The following FBXO11 variants were observed in gnomAD, a reference collection of about 807,000 sequenced individuals.
FBXO11 encodes F-box only protein 11.
FBXO11 carries 13 observed loss-of-function variants against 117.0 expected under a neutral mutation model. That is an observed-to-expected ratio of 0.11 (90% CI 0.07 to 0.18). The LOEUF (loss-of-function observed/expected upper bound fraction) is 0.18, where lower values mean the gene tolerates loss of function less well. FBXO11 is among the 10% of genes least tolerant of loss of function. The pLI is 1.00. For missense variants in FBXO11, 767 were observed against 1,164.4 expected (o/e 0.66, Z 4.97); for synonymous variants, 490 against 380.5 (o/e 1.29, Z -3.35).
chr2:47,846,946 A>G (rs1673464368), intron 1 of FBXO11, among the ~76,000 whole-genome samples: 2 of 152,194 alleles, frequency 1.3e-5, no homozygotes, highest in African/African-American at 4.8e-5. Context: ...CTTAAAGACA[A>G]GAATACGTTC....
intron 1 of FBXO11, among the ~76,000 whole-genome samples, chr2:47,902,033 T>A (rs548894771): frequency 7.9e-5 from 12 of 152,332 alleles, no homozygotes; most frequent in Non-Finnish European, 1.5e-4. Flanking sequence ...CCTCCCGCGT[T>A]CAAGCGATTC....
At chr2:47,836,803 GACAGAGTCTCACTCCCGTTGCCC>G (rs756566201) in intron 4 of FBXO11, among the ~76,000 whole-genome samples, 25 of 152,214 alleles carry the variant, frequency 1.6e-4, no homozygotes, top group Middle Eastern at 3.4e-3. Context: ...TTCTTTTTGA[GACAGAGTCTCACTCCCGTTGCCC>G]ACACTGGAGT....
At chr2:47,832,321 T>C (rs750965028) in intron 11 of FBXO11, 28 bp downstream of exon 11, 1 of 1,550,376 alleles carries the variant, frequency 6.5e-7, no homozygotes, top group Non-Finnish European at 8.7e-7. Flanking sequence ...CAGAAGTCCG[T>C]TTTTCTATTA....
intron 11 of FBXO11, among the ~76,000 whole-genome samples, chr2:47,831,059 A>T (rs7573024): frequency 8.8e-4 from 133 of 151,570 alleles, no homozygotes; most frequent in Middle Eastern, 3.4e-3. Flanking sequence ...TTGGCCTCCC[A>T]AAGTGCTGGG....
chr2:47,850,069 C>CA (rs1673739320), intron 1 of FBXO11, among the ~76,000 whole-genome samples: 1 of 152,060 alleles, frequency 6.6e-6, no homozygotes, highest in East Asian at 1.9e-4. Flanking sequence ...CAATACAACT[C>CA]AGAGAGGAAG....
chr2:47,901,113 G>GTACACACGTGTGTACATGTATATATA (rs1380887671), intron 1 of FBXO11, among the ~76,000 whole-genome samples: 14 of 84,564 alleles, frequency 1.7e-4, no homozygotes, highest in Non-Finnish European at 2.5e-4. Context: ...ATGTATATAT[G>GTACACACGTGTGTACATGTATATATA]TACACACGTG....
chr2:47,878,924 A>G (rs1676224011), intron 1 of FBXO11, among the ~76,000 whole-genome samples: 1 of 152,136 alleles, frequency 6.6e-6, no homozygotes, highest in South Asian at 2.1e-4. Context: ...CATTGTAGTG[A>G]GCTGAGATCA....
At chr2:47,898,050 T>C (rs923738266) in intron 1 of FBXO11, among the ~76,000 whole-genome samples, 5 of 152,184 alleles carry the variant, frequency 3.3e-5, no homozygotes, top group African/African-American at 9.7e-5. Context: ...CATAGCCCCA[T>C]GATCTTCATT....
intron 1 of FBXO11, among the ~76,000 whole-genome samples, chr2:47,901,767 A>G (rs1678319569): frequency 6.6e-6 from 1 of 152,172 alleles, no homozygotes; most frequent in Non-Finnish European, 1.5e-5. Context: ...GTAATATCTA[A>G]AAAAATTACA....
At chr2:47,851,965 A>AG (rs1673896886) in intron 1 of FBXO11, among the ~76,000 whole-genome samples, 1 of 151,550 alleles carries the variant, frequency 6.6e-6, no homozygotes, top group South Asian at 2.1e-4. Flanking sequence ...CCATGCTAAT[A>AG]GTAGTCTCTG....
rs536571183 is a variant in FBXO11 at position 47,872,489 on chromosome 2, A to G, written c.233-32720T>C. On this transcript the variant is annotated intron_variant, in intron 1 of 22. Transcript: ENST00000403359. ...CAGGAGTGCGCCACCATGCCTGCCT[A>G]ATTTTTGTATTTTTAGGAGAGACGG... is the stretch of plus-strand genomic sequence containing the variant. Among the ~76,000 whole-genome samples, 3 of 152,036 alleles carry G rather than the reference A, an allele frequency of 2.0e-5. No homozygotes were observed. The East Asian group carries it at 5.8e-4, about 29-fold the overall frequency.
intron 1 of FBXO11, among the ~76,000 whole-genome samples, chr2:47,857,933 G>A (rs1343440167): frequency 6.7e-6 from 1 of 149,208 alleles, no homozygotes; most frequent in Non-Finnish European, 1.5e-5. Flanking sequence ...CTTTATATGG[G>A]CAAATATATA....
chr2:47,894,793 A>C (rs973973219), intron 1 of FBXO11, among the ~76,000 whole-genome samples: 2 of 152,212 alleles, frequency 1.3e-5, no homozygotes, highest in African/African-American at 4.8e-5. Flanking sequence ...GCACAAAAAC[A>C]ATGTTTATGA....
intron 1 of FBXO11, among the ~76,000 whole-genome samples, chr2:47,884,622 T>G (rs1676678240): frequency 6.6e-6 from 1 of 152,266 alleles, no homozygotes. Context: ...TTATCATTGC[T>G]GTCTTTGAAG....
chr2:47,839,857 CG>C (rs1672877901), intron 1 of FBXO11, 88 bp from the exon 2 acceptor site: 1 of 1,180,558 alleles, frequency 8.5e-7, no homozygotes, highest in African/African-American at 1.6e-5. Context: ...ACTTCAAATT[CG>C]GGAGGGAGCA....
chr2:47,836,884 A>T (rs569633154), intron 4 of FBXO11: 1 of 354,418 alleles, frequency 2.8e-6, no homozygotes, highest in African/African-American at 2.2e-5. Context: ...CCCAGGTTCA[A>T]GTGATCCTCT....
In FBXO11 at chr2:47,806,927, C is replaced by G; in HGVS notation, c.*1191G>C. ...TGGTAAATTCAGACAACATTATGAT[C>G]TAATAAACTTTATTTTTTAAAAATG... On this transcript the variant is annotated 3_prime_UTR_variant, in exon 23 of 23. Coordinates refer to ENST00000403359, the MANE Select transcript of FBXO11 (RefSeq NM_001190274.2). 1 of 1,168,126 alleles carries G rather than the reference C, an allele frequency of 8.6e-7. No individual in the cohort carries two copies. The highest frequency in any genetic ancestry group is 1.3e-6 in the Non-Finnish European group (1 of 787,728). 72.4% of individuals were successfully genotyped at this position (1,168,126 alleles called of 1,614,324 possible). A position where few individuals can be genotyped will look rare whatever the true frequency, so the allele number is the denominator to read the frequency against.
intron 1 of FBXO11, among the ~76,000 whole-genome samples, chr2:47,901,154 CATATATACAT>C (rs1558488516): frequency 2.7e-5 from 3 of 109,320 alleles, no homozygotes; most frequent in Non-Finnish European, 5.6e-5. Flanking sequence ...CACGTGTGTA[CATATATACAT>C]ATATATGTAT....
At position 47,852,633 on chromosome 2, in the gene FBXO11, A is replaced by C. The variant is rs1445799488; in HGVS notation, c.233-12864T>G. Among the ~76,000 whole-genome samples the C allele has an allele frequency of 3.3e-5, 5 of 152,150 alleles. No individual in the cohort carries two copies. The East Asian group carries it at 9.6e-4, about 29-fold the overall frequency. On this transcript the variant is annotated intron_variant, in intron 1 of 22. Transcript: ENST00000403359. The stretch of plus-strand genomic sequence containing the variant: ...ACTAAGTAATTTGGGTGTCTTTTAA[A>C]ACTTTATTGTATCAATACAAATGAT...
Sources: allele counts gnomAD v4.1 joint callset (sites outside exome capture counted in the v4.1 genomes callset), GRCh38; gene constraint gnomAD v4.1.1; transcripts MANE v1.5; gene names NCBI Gene and HGNC (gene_info 2026-07-23, HGNC 2026-07-21).